LETM1: variants seen among roughly 807,000 people sequenced by gnomAD.
The protein encoded by LETM1 is mitochondrial proton/calcium exchanger protein.
A neutral mutation model predicts 74.5 loss-of-function variants in LETM1; 50 were observed. The observed-to-expected ratio is 0.67, with a 90% confidence interval of 0.53 to 0.85. The LOEUF (loss-of-function observed/expected upper bound fraction) is 0.85. LETM1 is among the 40% of genes least tolerant of loss of function. LETM1 has a pLI of 0.00. For missense variants in LETM1, 824 were observed against 967.8 expected (o/e 0.85, Z 1.97); for synonymous variants, 446 against 407.1 (o/e 1.10, Z -1.15).
In LETM1 at chr4:1,811,650, C is replaced by G. The variant is rs1430107800; in HGVS notation, c.*2774G>C. ...TGCCAGCACCGGGACCCACTGCGAA[C>G]AAAGACAGAGCCGGCTCCCCAGCAC... On this transcript the variant is annotated 3_prime_UTR_variant, in exon 14 of 14. Coordinates refer to ENST00000302787, the MANE Select transcript of LETM1 (RefSeq NM_012318.3). 6.6e-6 allele frequency: 1 copy of G among 152,392 alleles called. No individual in the cohort carries two copies. The highest frequency in any genetic ancestry group is 1.5e-5 in the Non-Finnish European group (1 of 68,108). 9.4% of individuals were successfully genotyped at this position (152,392 alleles called of 1,614,324 possible).
At chr4:1,843,693 G>A (rs1392689747) in intron 2 of LETM1, among the ~76,000 whole-genome samples, 1 of 152,130 alleles carries the variant, frequency 6.6e-6, no homozygotes, top group East Asian at 1.9e-4. Context: ...ACCCCACCTC[G>A]GTCACCTCCC....
In LETM1 at chr4:1,822,056, C is replaced by T. The variant is rs528253983; in HGVS notation, c.1608+125G>A. On this transcript the variant is annotated intron_variant, in intron 10 of 13. Transcript: ENST00000302787. Reference sequence around the variant, plus strand: ...GTGGCCTCATCCTCAACCCCTTGCACCATCTCCTCTCACTGAGGGCTATAG... The same window carrying T: ...GTGGCCTCATCCTCAACCCCTTGCATCATCTCCTCTCACTGAGGGCTATAG... The T allele has an allele frequency of 2.3e-5, 23 of 1,013,236 alleles. 1 individual carries two copies. Among genetic ancestry groups the T allele is most frequent in the Non-Finnish European group, 2.9e-5 (22 of 755,044 alleles). The allele number at this position is 1,013,236 out of a possible 1,614,324, so 62.8% of individuals were successfully genotyped here. A position where few individuals can be genotyped will look rare whatever the true frequency, so the allele number is the denominator to read the frequency against.
intron 2 of LETM1, among the ~76,000 whole-genome samples, chr4:1,842,708 C>T (rs992189139): frequency 3.9e-5 from 6 of 152,266 alleles, no homozygotes; most frequent in Non-Finnish European, 7.3e-5. Context: ...GTCCACGCTG[C>T]ATCGGCCCCA....
intron 2 of LETM1, among the ~76,000 whole-genome samples, chr4:1,847,604 G>C (rs528340362): frequency 1.1e-3 from 173 of 152,176 alleles, no homozygotes; most frequent in African/African-American, 4.0e-3. Flanking sequence ...TGGATCATCT[G>C]AGGTCAGGAG....
intron 3 of LETM1, 104 bp downstream of exon 3, chr4:1,841,243 G>C: frequency 9.9e-7 from 1 of 1,013,356 alleles, no homozygotes; most frequent in African/African-American, 1.6e-5. Context: ...TACTCGGGAG[G>C]CTGAGGCAGG....
chr4:1,842,703 C>A (rs558841550), intron 2 of LETM1, among the ~76,000 whole-genome samples: 4 of 152,246 alleles, frequency 2.6e-5, no homozygotes, highest in Non-Finnish European at 5.9e-5. Flanking sequence ...TCTCGGTCCA[C>A]GCTGCATCGG....
Position 1,853,840 on chromosome 4 carries a change from G to C in LETM1, c.82+2029C>G, listed in dbSNP as rs1057117714. 2.2e-4 allele frequency among the ~76,000 whole-genome samples: 34 copies of C among 152,152 alleles called. 1 individual carries two copies. The highest frequency in any genetic ancestry group is 1.0e-4 in the Non-Finnish European group (7 of 68,030). ...GTTCAGGGACCTCCTCCACAGTCCAGCCCTGGGTCTCGCTGGCTCTGAAAT... is the reference window on the plus strand; with the variant it reads ...GTTCAGGGACCTCCTCCACAGTCCACCCCTGGGTCTCGCTGGCTCTGAAAT... On this transcript the variant is annotated intron_variant, in intron 1 of 13. Transcript: ENST00000302787.
chr4:1,847,037 A>G (rs2108855173), intron 2 of LETM1, among the ~76,000 whole-genome samples: 1 of 151,526 alleles, frequency 6.6e-6, no homozygotes, highest in Non-Finnish European at 1.5e-5. Flanking sequence ...TGTGGCCTAT[A>G]CAAAGAAAAC....
At position 1,834,692 on chromosome 4, in the gene LETM1, C is replaced by T; in HGVS notation, c.876+153G>A. The T allele has an allele frequency of 6.8e-7, 1 of 1,472,840 alleles. No individual in the cohort carries two copies. The highest frequency in any genetic ancestry group is 9.0e-7 in the Non-Finnish European group (1 of 1,116,380). The allele number at this position is 1,472,840 out of a possible 1,614,324, so 91.2% of individuals were successfully genotyped here. On this transcript the variant is annotated intron_variant, in intron 5 of 13. Transcript: ENST00000302787. This position sits in a 1 kb window ranked among gnomAD's most constrained non-coding sequence, Gnocchi z 5.0. ...AGCTCGTGGGGGCAGACTCCTGACA[C>T]TCCACTGGCCCCCGACTGAGCCTCC... is the stretch of plus-strand genomic sequence containing the variant.
At chr4:1,840,976 T>C (rs1397303428) in intron 3 of LETM1, among the ~76,000 whole-genome samples, 5 of 152,204 alleles carry the variant, frequency 3.3e-5, no homozygotes, top group Non-Finnish European at 7.3e-5. Context: ...TCCTAGGCAA[T>C]AGGTTTTACC....
chr4:1,842,906 G>C (rs183459090), intron 2 of LETM1: 1 of 241,098 alleles, frequency 4.1e-6, no homozygotes, highest in Non-Finnish European at 8.7e-6. Context: ...TGACCTGCGC[G>C]AGGCCCATTC....
In LETM1 at chr4:1,814,266, G is replaced by T; in HGVS notation, c.*158C>A. Reference sequence around the variant, plus strand: ...ATTCCAGACAGACTGAATCTCCGTGGAATGATGAAAATTAAAATTTACTTG... The same window carrying T: ...ATTCCAGACAGACTGAATCTCCGTGTAATGATGAAAATTAAAATTTACTTG... On this transcript the variant is annotated 3_prime_UTR_variant, in exon 14 of 14. Coordinates refer to ENST00000302787, the MANE Select transcript of LETM1 (RefSeq NM_012318.3). 8.6e-7 allele frequency: 1 copy of T among 1,162,372 alleles called. No individual in the cohort carries two copies. Among genetic ancestry groups the T allele is most frequent in the Non-Finnish European group, 1.2e-6 (1 of 813,830 alleles). 72.0% of individuals were successfully genotyped at this position (1,162,372 alleles called of 1,614,324 possible).
intron 6 of LETM1, among the ~76,000 whole-genome samples, chr4:1,828,859 A>G (rs1412851397): frequency 6.1e-3 from 237 of 38,812 alleles, no homozygotes; most frequent in African/African-American, 0.026. Context: ...GCCGGGCGGG[A>G]GGCTGACACC....
In LETM1 at chr4:1,841,366, G is replaced by A; in HGVS notation, c.575C>T (p.Thr192Ile). ...LWRILNGHSL[T>I]RRERRQFLRI... ...CATTACCTGCCTGCGCTCCCGGCGG[G>A]TCAGGCTGTGGCCGTTGAGGATGCG... Residue 192 changes from threonine to isoleucine, a missense_variant, in exon 3 of 14, where the codon ACC becomes ATC. Physicochemically the swap from Thr to Ile is moderately conservative, Grantham distance 89. Transcript: ENST00000302787. 6.2e-7 allele frequency: 1 copy of A among 1,612,998 alleles called. No homozygotes were observed. Among genetic ancestry groups the A allele is most frequent in the Non-Finnish European group, 8.5e-7 (1 of 1,179,108 alleles).
rs377604309 is a variant in LETM1 at position 1,838,345 on chromosome 4, G to A, written c.595-1773C>T. On this transcript the variant is annotated intron_variant, in intron 3 of 13. Transcript: ENST00000302787. ...GATCTCTTGACCTCATGATCGGCCC[G>A]CCTCGGCCTCCCAAAGTTCTGGGAT... 4.7e-3 allele frequency among the ~76,000 whole-genome samples: 715 copies of A among 151,984 alleles called. 4 individuals are homozygous for A. The highest frequency in any genetic ancestry group is 0.014 in the African/African-American group (595 of 41,468).
chr4:1,823,542 C>T, intron 8 of LETM1, 102 bp downstream of exon 8: 1 of 1,472,324 alleles, frequency 6.8e-7, no homozygotes, highest in Non-Finnish European at 9.4e-7. Flanking sequence ...GGCTCCTCGC[C>T]CATGGTTGAG....
intron 2 of LETM1, 26 bp from the exon 3 acceptor site, chr4:1,841,823 G>T: frequency 6.4e-7 from 1 of 1,554,126 alleles, no homozygotes; most frequent in Non-Finnish European, 8.8e-7. Context: ...GTGGAAAACA[G>T]TAGTAAGAGC....
intron 7 of LETM1, 79 bp from the exon 8 acceptor site, chr4:1,823,854 C>G (rs1036450873): frequency 9.0e-6 from 13 of 1,450,570 alleles, no homozygotes; most frequent in Non-Finnish European, 1.2e-5. Context: ...CATCTCATCA[C>G]CAGAATAGCT....
intron 2 of LETM1, chr4:1,842,973 G>A (rs922443419): frequency 1.5e-5 from 5 of 322,952 alleles, no homozygotes; most frequent in Non-Finnish European, 2.5e-5. Context: ...CCTGCTGATT[G>A]GACACAAATC....
Sources: allele counts gnomAD v4.1 joint callset (sites outside exome capture counted in the v4.1 genomes callset), GRCh38; gene constraint gnomAD v4.1.1; non-coding constraint Gnocchi (gnomAD v3.1); transcripts MANE v1.5; gene names NCBI Gene and HGNC (gene_info 2026-07-23, HGNC 2026-07-21).